ATP13A3: variants seen among roughly 807,000 people sequenced by gnomAD.
ATP13A3 encodes polyamine-transporting ATPase 13A3.
In ATP13A3, 59 loss-of-function variants were observed where a neutral mutation model predicts 158.1. The observed-to-expected ratio is 0.37, with a 90% CI of 0.30 to 0.46. The LOEUF (loss-of-function observed/expected upper bound fraction) is 0.46, where lower values mean the gene tolerates loss of function less well. ATP13A3 is among the 20% of genes least tolerant of loss of function. ATP13A3 has a pLI of 1.00. For missense variants in ATP13A3, 1,166 were observed against 1,525.2 expected (o/e 0.76, Z 3.92); for synonymous variants, 491 against 504.3 (o/e 0.97, Z 0.35).
At chr3:194,443,285 G>A (rs1170745333) in intron 15 of ATP13A3, among the ~76,000 whole-genome samples, 1 of 152,092 alleles carries the variant, frequency 6.6e-6, no homozygotes, top group Non-Finnish European at 1.5e-5. Context: ...GTGGTTAAAA[G>A]GCAGTATTAA....
At chr3:194,492,751 C>T (rs917996192) in intron 2 of ATP13A3, among the ~76,000 whole-genome samples, 4 of 152,110 alleles carry the variant, frequency 2.6e-5, no homozygotes, top group Admixed American at 2.6e-4. Flanking sequence ...CCACCACAAC[C>T]CGTGATCTAT....
chr3:194,439,007 C>T, intron 16 of ATP13A3, 35 bp from the exon 17 acceptor site: 14 of 1,386,496 alleles, frequency 1.0e-5, no homozygotes, highest in Non-Finnish European at 1.4e-5. Flanking sequence ...AAAACAAAAA[C>T]ACAACATTCA....
chr3:194,433,677 T>C (rs1054491395), intron 21 of ATP13A3, 95 bp downstream of exon 21: 4 of 1,485,474 alleles, frequency 2.7e-6, no homozygotes, highest in South Asian at 1.3e-5. Flanking sequence ...CTATAGACTA[T>C]ATAATATGAT....
chr3:194,468,319 T>G lies in ATP13A3; in HGVS notation c.-46-6083A>C, dbSNP rs138096022. The G allele has an allele frequency of 2.6e-4, 39 of 150,904 alleles. No individual in the cohort carries two copies. In the East Asian group the frequency reaches 7.4e-3, roughly 28 times the overall value. The allele number at this position is 150,904 out of a possible 1,614,324, so 9.3% of individuals were successfully genotyped here. A position where few individuals can be genotyped will look rare whatever the true frequency, so the allele number is the denominator to read the frequency against. ...GATGTTATCTAAATAGCAAGGAGCT[T>G]ATAGGCTATTGTGCTTAACCAAACC... On this transcript the variant is annotated intron_variant, in intron 2 of 33. Coordinates refer to ENST00000645319, the MANE Select transcript of ATP13A3 (RefSeq NM_001367549.1).
chr3:194,412,227 T>C lies in ATP13A3; in HGVS notation c.3545A>G (p.Tyr1182Cys), dbSNP rs1164230241. 2 of 1,536,432 alleles carry C rather than the reference T, an allele frequency of 1.3e-6. No individual in the cohort carries two copies. The highest frequency in any genetic ancestry group is 2.4e-5 in the South Asian group (2 of 84,058). ...VVFNRDKQGE[Y>C]RFSTTQPPQE... Reference sequence around the variant, plus strand: ...CGGTGGCTGTGTGGTGCTGAACCGATACTCTCCTTGTTTGTCTCGGTTGAA... The same window carrying C: ...CGGTGGCTGTGTGGTGCTGAACCGACACTCTCCTTGTTTGTCTCGGTTGAA... Residue 1182 changes from tyrosine to cysteine, a missense_variant, in exon 33 of 34, where the codon TAT becomes TGT. Physicochemically the swap from Tyr to Cys is radical, Grantham distance 194 (BLOSUM62 -2). Around this residue, in one of 3 missense-constraint regions of ATP13A3, gnomAD observed 997 missense variants for 1,341.2 expected, o/e 0.74. Transcript: ENST00000645319.
chr3:194,427,364 C>A (rs1474225022), intron 28 of ATP13A3, 112 bp from the exon 29 acceptor site: 2 of 935,774 alleles, frequency 2.1e-6, no homozygotes, highest in African/African-American at 1.7e-5. Context: ...CCTAACAATT[C>A]TTTAATACAA....
chr3:194,487,004 C>CGAG (rs1721024629), upstream of ATP13A3: 3 of 148,582 alleles, frequency 2.0e-5, no homozygotes, highest in Non-Finnish European at 4.6e-5. Context: ...CTCAGGACTC[C>CGAG]CGCGCCGGAT....
At position 194,448,385 on chromosome 3, in the gene ATP13A3, T is replaced by C; in HGVS notation, c.1150+72A>G. On this transcript the variant is annotated intron_variant, in intron 12 of 33. Transcript: ENST00000645319. This position sits in a 1 kb window ranked among gnomAD's most constrained non-coding sequence, Gnocchi z 4.0. ...TAGCCACAGCACCCAGCCCAGAATC[T>C]CTTTTTAAACATTTAGTAGGTATCA... 1 of 1,546,824 alleles carries C rather than the reference T, an allele frequency of 6.5e-7. No individual in the cohort carries two copies. Among genetic ancestry groups the C allele is most frequent in the Non-Finnish European group, 8.9e-7 (1 of 1,126,394 alleles).
At chr3:194,427,310 A>AAATAT in intron 28 of ATP13A3, 58 bp from the exon 29 acceptor site, 1 of 1,411,392 alleles carries the variant, frequency 7.1e-7, no homozygotes, top group Non-Finnish European at 9.6e-7. Flanking sequence ...TCACTATATA[A>AAATAT]GGCATAACTA....
chr3:194,482,547 T>C (rs1239789899), intron 2 of ATP13A3, among the ~76,000 whole-genome samples: 2 of 152,222 alleles, frequency 1.3e-5, no homozygotes, highest in Non-Finnish European at 2.9e-5. Context: ...AAATCTTAAT[T>C]AAAATTATGT....
At chr3:194,476,209 C>T (rs557037108) in intron 2 of ATP13A3, among the ~76,000 whole-genome samples, 1 of 152,282 alleles carries the variant, frequency 6.6e-6, no homozygotes, top group African/African-American at 2.4e-5. Context: ...TCCATTTCCT[C>T]TGCCCGCTTC....
chr3:194,492,152 G>A (rs1013050969), intron 2 of ATP13A3, among the ~76,000 whole-genome samples: 17 of 151,702 alleles, frequency 1.1e-4, no homozygotes, highest in African/African-American at 3.1e-4. Flanking sequence ...TGCTCTCCCC[G>A]TCTTCTCACC....
intron 2 of ATP13A3, among the ~76,000 whole-genome samples, chr3:194,492,779 G>C (rs1057126690): frequency 2.0e-5 from 3 of 152,088 alleles, no homozygotes; most frequent in Non-Finnish European, 4.4e-5. Flanking sequence ...ATCATCTCTA[G>C]ATTACTTATA....
At chr3:194,409,693 ATTTTTTTTTTTT>A (rs71179358) in intron 33 of ATP13A3, among the ~76,000 whole-genome samples, 2,337 of 94,112 alleles carry the variant, frequency 0.025, 138 homozygotes, top group African/African-American at 0.11. Flanking sequence ...GACGTAAAGA[ATTTTTTTTTTTT>A]TTTTTTTTTT....
chr3:194,469,195 C>T (rs1038099224), intron 2 of ATP13A3, among the ~76,000 whole-genome samples: 9 of 151,380 alleles, frequency 5.9e-5, no homozygotes, highest in African/African-American at 1.2e-4. Context: ...CAGTGGCTCA[C>T]GCCTATAATC....
At chr3:194,416,265 C>T (rs1007965376) in intron 31 of ATP13A3, among the ~76,000 whole-genome samples, 1 of 152,108 alleles carries the variant, frequency 6.6e-6, no homozygotes, top group African/African-American at 2.4e-5. Flanking sequence ...CGATACCAGT[C>T]TGGCCAGATG....
intron 4 of ATP13A3, among the ~76,000 whole-genome samples, 165 bp downstream of exon 4, chr3:194,460,490 TATA>T (rs537386162): frequency 1.7e-3 from 264 of 152,304 alleles, no homozygotes; most frequent in African/African-American, 5.9e-3. Context: ...CTCTAATCAT[TATA>T]ATAATAGTCA....
rs556898777 is a variant in ATP13A3, at chr3:194,454,659, C to T, written c.631-267G>A. Reference sequence around the variant, plus strand: ...TGGCTAACACGGTGAAACCCTGTCTCTACTAAAAAATACAAAAAAGTTAGC... The same window carrying T: ...TGGCTAACACGGTGAAACCCTGTCTTTACTAAAAAATACAAAAAAGTTAGC... On this transcript the variant is annotated intron_variant, in intron 8 of 33. Transcript: ENST00000645319. Among the ~76,000 whole-genome samples, 4 of 152,102 alleles carry T rather than the reference C, an allele frequency of 2.6e-5. No individual in the cohort carries two copies. The East Asian group carries it at 7.7e-4, about 29-fold the overall frequency.
intron 31 of ATP13A3, 39 bp downstream of exon 31, chr3:194,419,840 A>G (rs749993336): frequency 4.5e-6 from 7 of 1,551,332 alleles, no homozygotes; most frequent in Non-Finnish European, 6.0e-6. Context: ...TATACAGGTT[A>G]GTCTTTTTCC....
Sources: allele counts gnomAD v4.1 joint callset (sites outside exome capture counted in the v4.1 genomes callset), GRCh38; gene constraint gnomAD v4.1.1; regional missense constraint gnomAD v4.1.1; non-coding constraint Gnocchi (gnomAD v3.1); transcripts MANE v1.5; gene names NCBI Gene and HGNC (gene_info 2026-07-23, HGNC 2026-07-21).